RNF24: variants seen among roughly 807,000 people sequenced by gnomAD.
RNF24 encodes ring finger protein 24.
Under a neutral mutation model 20.0 loss-of-function variants are expected in RNF24, and 14 were observed. That is an observed-to-expected ratio of 0.70 (90% confidence interval 0.46 to 1.10). The LOEUF (loss-of-function observed/expected upper bound fraction) is 1.10. Among genes scored for constraint, RNF24 ranks in the 50% least tolerant of loss-of-function variants. The pLI is 0.00. For synonymous variants in RNF24, 45 were observed against 61.1 expected, an observed-to-expected ratio of 0.74 and a Z score of 1.23; for missense variants, 124 against 177.6, an observed-to-expected ratio of 0.70 and a Z score of 1.71.
chr20:3,968,924 T>C (rs2091286459), intron 1 of RNF24, among the ~76,000 whole-genome samples: 1 of 152,104 alleles, frequency 6.6e-6, no homozygotes, highest in African/African-American at 2.4e-5. Flanking sequence ...AAAGTTGTTA[T>C]AATGGAAAGC....
chr20:4,002,489 G>A (rs927035894), intron 1 of RNF24, among the ~76,000 whole-genome samples: 1 of 152,162 alleles, frequency 6.6e-6, no homozygotes, highest in African/African-American at 2.4e-5. Flanking sequence ...CTTGTTAATT[G>A]TTGAATCCCA....
chr20:3,989,539 TGACAGATGAACAG>T (rs1337747869), intron 1 of RNF24, among the ~76,000 whole-genome samples: 1 of 152,104 alleles, frequency 6.6e-6, no homozygotes, highest in Non-Finnish European at 1.5e-5. Flanking sequence ...ACACTTGAAT[TGACAGATGAACAG>T]GACAGAATAG....
intron 2 of RNF24, among the ~76,000 whole-genome samples, chr20:3,951,470 A>G (rs2091081166): frequency 6.6e-6 from 1 of 152,168 alleles, no homozygotes; most frequent in Admixed American, 6.5e-5. Flanking sequence ...GCTTTTGCCC[A>G]CTGATTTTAG....
intron 4 of RNF24, among the ~76,000 whole-genome samples, chr20:3,942,818 GTT>G (rs375685386): frequency 4.3e-5 from 6 of 138,710 alleles, no homozygotes; most frequent in Admixed American, 7.3e-5. Context: ...GATGAAGACA[GTT>G]TTTTTTTTTT....
chr20:3,977,847 C>T (rs1336089065), intron 1 of RNF24, among the ~76,000 whole-genome samples: 1 of 136,952 alleles, frequency 7.3e-6, no homozygotes, highest in Non-Finnish European at 1.5e-5. Flanking sequence ...CTGGGCGACA[C>T]AGCGAGACTC....
chr20:3,982,519 G>A (rs1979505478), intron 1 of RNF24, among the ~76,000 whole-genome samples: 2 of 149,496 alleles, frequency 1.3e-5, no homozygotes, highest in Non-Finnish European at 3.0e-5. Flanking sequence ...GGAGGTTGCA[G>A]TGAGCCGAGA....
At position 3,948,258 on chromosome 20, in the gene RNF24, T is replaced by C. The variant is rs767477414; in HGVS notation, c.165A>G (p.Lys55=). 2 of 1,591,676 alleles carry C rather than the reference T, an allele frequency of 1.3e-6. No homozygotes were observed. The highest frequency in any genetic ancestry group is 2.3e-5 in the South Asian group (2 of 85,684). Residue 55 remains lysine, a synonymous_variant, in exon 3 of 6, where the codon AAA becomes AAG. Coordinates refer to ENST00000358395, the MANE Select transcript of RNF24 (RefSeq NM_001134337.3). ...YLIRLRHQAH[K]EFYAYKQVIL... ...TCACCTGTTTGTAGGCATAAAATTC[T>C]TTGTGTGCTTGATGTCTTAGCCTAA...
intron 4 of RNF24, among the ~76,000 whole-genome samples, chr20:3,935,745 C>G (rs1351544177): frequency 6.6e-6 from 1 of 152,232 alleles, no homozygotes; most frequent in Non-Finnish European, 1.5e-5. Flanking sequence ...CCAACACTTT[C>G]CTGGGCATTC....
chr20:4,007,738 CAAAAAA>C (rs1161702317), intron 1 of RNF24, among the ~76,000 whole-genome samples: 7 of 56,328 alleles, frequency 1.2e-4, no homozygotes, highest in African/African-American at 3.8e-4. Context: ...CCTGTCTCTA[CAAAAAA>C]AAAAAAAAAA....
chr20:3,994,975 C>T (rs1390242752), intron 1 of RNF24, among the ~76,000 whole-genome samples: 1 of 152,146 alleles, frequency 6.6e-6, no homozygotes, highest in Non-Finnish European at 1.5e-5. Flanking sequence ...CATTGTACAG[C>T]CTTAAAAGTG....
intron 1 of RNF24, among the ~76,000 whole-genome samples, chr20:4,013,847 G>T (rs1982659269): frequency 6.6e-6 from 1 of 152,174 alleles, no homozygotes; most frequent in Admixed American, 6.5e-5. Flanking sequence ...CCAACACCCT[G>T]TAAAAGTATA....
At position 3,933,568 on chromosome 20, in the gene RNF24, G is replaced by A. The variant is rs14047; in HGVS notation, c.*495C>T. On this transcript the variant is annotated 3_prime_UTR_variant, in exon 6 of 6. Transcript: ENST00000358395. ...TGGCCTTATCAAAGGCATACAACAT[G>A]AGCCTTGTGGGCACTGCCTCACCAA... The A allele has an allele frequency of 0.12, 22,109 of 182,778 alleles. 1,763 individuals carry two copies. The highest frequency in any genetic ancestry group is 0.17 in the Non-Finnish European group (15,256 of 88,906). The allele number at this position is 182,778 out of a possible 1,614,324, so 11.3% of individuals were successfully genotyped here.
chr20:4,009,964 T>A (rs775142013), intron 1 of RNF24, among the ~76,000 whole-genome samples: 2 of 151,864 alleles, frequency 1.3e-5, no homozygotes, highest in Admixed American at 1.3e-4. Flanking sequence ...GGCAGGAGAA[T>A]CGCTTGAACC....
intron 1 of RNF24, among the ~76,000 whole-genome samples, chr20:3,966,637 T>A (rs149155127): frequency 9.8e-5 from 15 of 152,290 alleles, no homozygotes; most frequent in Admixed American, 6.5e-4. Context: ...CTGCATGCAC[T>A]GACAGCTTTC....
At chr20:3,960,741 T>A (rs1028003174) in intron 2 of RNF24, among the ~76,000 whole-genome samples, 1 of 152,218 alleles carries the variant, frequency 6.6e-6, no homozygotes. Context: ...TTTGAACATT[T>A]CTGATTAAAC....
chr20:4,003,956 T>A (rs532938836), intron 1 of RNF24, among the ~76,000 whole-genome samples: 4 of 152,280 alleles, frequency 2.6e-5, no homozygotes, highest in African/African-American at 7.2e-5. Context: ...GAAACTCTTA[T>A]AATATAGCAT....
chr20:3,985,104 T>C (rs905033249), intron 1 of RNF24, among the ~76,000 whole-genome samples: 3 of 152,222 alleles, frequency 2.0e-5, no homozygotes, highest in Non-Finnish European at 4.4e-5. Flanking sequence ...AATTTGTCTA[T>C]TCCATCTATG....
At chr20:3,964,234 C>A (rs1225302340) in intron 1 of RNF24, among the ~76,000 whole-genome samples, 2 of 152,062 alleles carry the variant, frequency 1.3e-5, no homozygotes, top group Non-Finnish European at 2.9e-5. Flanking sequence ...GACTGGAGAT[C>A]CAATATAAAA....
intron 1 of RNF24, among the ~76,000 whole-genome samples, chr20:3,997,554 G>A (rs964989702): frequency 1.3e-5 from 2 of 151,872 alleles, no homozygotes; most frequent in Non-Finnish European, 2.9e-5. Context: ...AGCCTCCAGA[G>A]TAGCTCGAAC....
Sources: gnomAD v4.1 joint callset for allele counts (sites outside exome capture counted in the v4.1 genomes callset) on GRCh38, gnomAD v4.1.1 for gene constraint, MANE v1.5 for transcripts, NCBI Gene and HGNC (gene_info 2026-07-23, HGNC 2026-07-21) for gene names.